Variants in RET observed in about 807,000 individuals in gnomAD.
The protein encoded by RET is proto-oncogene tyrosine-protein kinase receptor Ret.
In RET, 19 loss-of-function variants were observed where a neutral mutation model predicts 118.3. The observed-to-expected ratio is 0.16, with a 90% confidence interval of 0.11 to 0.24. The LOEUF is 0.24. RET is among the 10% of genes least tolerant of loss of function. The probability of loss-of-function intolerance (pLI) is 1.00; values close to 1 mark genes in which losing one functional copy is unlikely to be tolerated. For missense variants in RET, 1,219 were observed against 1,502.1 expected (o/e 0.81, Z 3.12); for synonymous variants, 597 against 644.1 (o/e 0.93, Z 1.11).
chr10:43,096,700 A>G (rs996480994), intron 1 of RET, among the ~76,000 whole-genome samples: 4 of 152,088 alleles, frequency 2.6e-5, no homozygotes, highest in Admixed American at 6.5e-5. Context: ...GCTGTTCCCC[A>G]GCTCTCCCCT....
At chr10:43,089,214 G>T (rs146686488) in intron 1 of RET, among the ~76,000 whole-genome samples, 1 of 152,354 alleles carries the variant, frequency 6.6e-6, no homozygotes, top group East Asian at 1.9e-4. Context: ...ACCTCAGGGA[G>T]GGTGCACATG....
rs77890871 is a variant in RET at position 43,111,011 on chromosome 10, G to A, written c.1264-196G>A. On this transcript the variant is annotated intron_variant, in intron 6 of 19. Transcript: ENST00000355710. ...TGGTAACATGTGGCCTGAGTGGAACGGGGCAGGGCAGGGCTGGGGCAGGTG... is the reference window on the plus strand; with the variant it reads ...TGGTAACATGTGGCCTGAGTGGAACAGGGCAGGGCAGGGCTGGGGCAGGTG... Among the ~76,000 whole-genome samples, 1,419 of 152,060 alleles carry A rather than the reference G, an allele frequency of 9.3e-3. 67 individuals are homozygous for A. The East Asian group carries it at 0.12, about 12-fold the overall frequency.
At position 43,112,188 on chromosome 10, in the gene RET, A is replaced by G. The variant is rs746279995; in HGVS notation, c.1612A>G (p.Thr538Ala). ...GGAGTGTGGCGGCCTGGGCTCCCCAACAGGCAGGTGTGAGTGGAGGCAAGG... is the reference window on the plus strand; with the variant it reads ...GGAGTGTGGCGGCCTGGGCTCCCCAGCAGGCAGGTGTGAGTGGAGGCAAGG... ...CEECGGLGSP[T>A]GRCEWRQGDG... Residue 538 changes from threonine (T) to alanine (A), a missense_variant, in exon 8 of 20, where the codon ACA becomes GCA. Physicochemically the swap from Thr to Ala is moderately conservative, Grantham distance 58 (BLOSUM62 0). Transcript: ENST00000355710. The G allele has an allele frequency of 1.3e-6, 2 of 1,564,312 alleles. No individual in the cohort carries two copies. Among genetic ancestry groups the G allele is most frequent in the African/African-American group, 1.4e-5 (1 of 73,792 alleles).
chr10:43,102,629 G>A lies in RET; in HGVS notation c.625G>A (p.Gly209Ser), dbSNP rs1407201816. 1 of 1,613,880 alleles carries A rather than the reference G, an allele frequency of 6.2e-7. No homozygotes were observed. ...NISVAYRLLE[G>S]EGLPFRCAPD... is the part of the protein sequence containing the mutation. Reference sequence around the variant, plus strand: ...CAGCGTGGCCTACAGGCTCCTGGAGGGTGAGTGCCGACCTTGTGGGGCCGC... The same window carrying A: ...CAGCGTGGCCTACAGGCTCCTGGAGAGTGAGTGCCGACCTTGTGGGGCCGC... Residue 209 changes from glycine (G) to serine (S), a missense_variant and splice_region_variant, in exon 3 of 20, where the codon GGT (glycine) becomes AGT (serine). By Grantham distance (56) the Gly-to-Ser change is moderately conservative. This residue lies in a region of RET where 850 missense variants were observed against 969.6 expected (regional missense o/e 0.88). Coordinates refer to ENST00000355710, the MANE Select transcript of RET (RefSeq NM_020975.6).
intron 17 of RET, 88 bp downstream of exon 17, chr10:43,123,896 G>A: frequency 6.3e-7 from 1 of 1,591,970 alleles, no homozygotes; most frequent in Non-Finnish European, 8.6e-7. Context: ...GCAGCCCCAG[G>A]AGAAACCAGG....
rs548774475 is a variant in RET at position 43,077,098 on chromosome 10, A to T, written c.-161A>T. On this transcript the variant is annotated 5_prime_UTR_variant, in exon 1 of 20. Transcript: ENST00000355710. Reference sequence around the variant, plus strand: ...CCGCGACCGAAGCAGGGCGCGCAGCAGCGCTGAGTGCCCCGGAACGTGCGT... The same window carrying T: ...CCGCGACCGAAGCAGGGCGCGCAGCTGCGCTGAGTGCCCCGGAACGTGCGT... 3 of 1,028,708 alleles carry T rather than the reference A, an allele frequency of 2.9e-6. No homozygotes were observed. Among genetic ancestry groups the T allele is most frequent in the East Asian group, 3.9e-5 (1 of 25,918 alleles). 63.7% of individuals were successfully genotyped at this position (1,028,708 alleles called of 1,614,324 possible).
At chr10:43,095,138 G>T (rs1837495487) in intron 1 of RET, among the ~76,000 whole-genome samples, 1 of 152,158 alleles carries the variant, frequency 6.6e-6, no homozygotes, top group Admixed American at 6.5e-5. Context: ...CTAGGCTGGG[G>T]CTGCTGTGCA....
rs2132932061 is a variant in RET, at chr10:43,118,473, C to A, written c.2385C>A (p.Ser795Arg). ...TCATCAAATTGTATGGGGCCTGCAG[C>A]CAGGATGGTAAGGCCAGCTGCAGGG... is the stretch of plus-strand genomic sequence containing the variant. ...PHVIKLYGAC[S>R]QDGPLLLIVE... The change falls in exon 13 of 20, where the codon AGC becomes AGA. Residue 795 changes from serine to arginine, a missense_variant. By Grantham distance (110) the Ser-to-Arg change is moderately radical (BLOSUM62 -1). This residue lies in a region of RET where 850 missense variants were observed against 969.6 expected (regional missense o/e 0.88). Coordinates refer to ENST00000355710, the MANE Select transcript of RET (RefSeq NM_020975.6). 3.1e-6 allele frequency: 5 copies of A among 1,613,078 alleles called. No individual in the cohort carries two copies. Among genetic ancestry groups the A allele is most frequent in the Non-Finnish European group, 4.2e-6 (5 of 1,179,324 alleles).
At chr10:43,122,154 C>T in intron 16 of RET, 138 bp downstream of exon 16, 6 of 766,426 alleles carry the variant, frequency 7.8e-6, no homozygotes, top group Non-Finnish European at 1.2e-5. Flanking sequence ...TGCTAGCCCT[C>T]TGCAATGACC....
chr10:43,117,974 C>G (rs12263074), intron 12 of RET, among the ~76,000 whole-genome samples: 2,887 of 152,288 alleles, frequency 0.019, 90 homozygotes, highest in African/African-American at 0.066. Flanking sequence ...TCCTTTATGG[C>G]TCTCCACCTT....
intron 1 of RET, among the ~76,000 whole-genome samples, chr10:43,096,571 A>T (rs1198769395): frequency 6.6e-6 from 1 of 152,104 alleles, no homozygotes; most frequent in Non-Finnish European, 1.5e-5. Context: ...CTGCACCTGC[A>T]CTGGCCGTTC....
At chr10:43,125,572 G>C (rs563243246) in intron 18 of RET, among the ~76,000 whole-genome samples, 1 of 152,200 alleles carries the variant, frequency 6.6e-6, no homozygotes, top group African/African-American at 2.4e-5. Flanking sequence ...ATATCGGGGG[G>C]TGGCCAGAGT....
rs1838077833 is a variant in RET at position 43,116,676 on chromosome 10, C to T, written c.2229C>T (p.Ala743=). 2 of 1,614,178 alleles carry T rather than the reference C, an allele frequency of 1.2e-6. No homozygotes were observed. Among genetic ancestry groups the T allele is most frequent in the Non-Finnish European group, 1.7e-6 (2 of 1,180,036 alleles). The change falls in exon 12 of 20, where the codon GCC becomes GCT. Residue 743 remains alanine, a synonymous_variant. Coordinates refer to ENST00000355710, the MANE Select transcript of RET (RefSeq NM_020975.6). ...GEFGKVVKAT[A]FHLKGRAGYT... is the part of the protein sequence containing the mutation. ...TTGGAAAAGTGGTCAAGGCAACGGC[C>T]TTCCATCTGAAAGGCAGAGCAGGGT... is the stretch of plus-strand genomic sequence containing the variant.
intron 13 of RET, among the ~76,000 whole-genome samples, chr10:43,118,693 G>A (rs1248713885): frequency 1.3e-5 from 2 of 152,252 alleles, no homozygotes; most frequent in Admixed American, 1.3e-4. Context: ...GGGGCCCCGC[G>A]CTAGCGGCAC....
intron 11 of RET, among the ~76,000 whole-genome samples, chr10:43,116,009 T>A (rs186680635): frequency 1.8e-4 from 28 of 151,766 alleles, no homozygotes; most frequent in African/African-American, 6.5e-4. Flanking sequence ...CTGGTCAGAG[T>A]TCAAGTACTG....
chr10:43,121,175 G>A (rs1838209702), intron 15 of RET, among the ~76,000 whole-genome samples: 2 of 152,228 alleles, frequency 1.3e-5, no homozygotes, highest in Non-Finnish European at 2.9e-5. Flanking sequence ...AGGGAGAGAA[G>A]CTGAAGGCAT....
At chr10:43,125,057 T>A in intron 18 of RET, 75 bp downstream of exon 18, 1 of 1,398,940 alleles carries the variant, frequency 7.1e-7, no homozygotes, top group Non-Finnish European at 1.0e-6. Context: ...GGGCAGTAGT[T>A]TTAGCCCTCA....
At position 43,114,062 on chromosome 10, in the gene RET, T is replaced by C. The variant is rs1382571656; in HGVS notation, c.1879+387T>C. Among the ~76,000 whole-genome samples, 1 of 152,182 alleles carries C rather than the reference T, an allele frequency of 6.6e-6. No homozygotes were observed. Among genetic ancestry groups the C allele is most frequent in the Non-Finnish European group, 1.5e-5 (1 of 68,004 alleles). On this transcript the variant is annotated intron_variant, in intron 10 of 19. Coordinates refer to ENST00000355710, the MANE Select transcript of RET (RefSeq NM_020975.6). This position sits in a 1 kb window ranked among gnomAD's most constrained non-coding sequence, Gnocchi z 4.6. ...TGTTCTGCCTGAGCATAGGGACACG[T>C]TTCTGTCATTGAGTTTTCTGGTATT...
chr10:43,107,776 G>A (rs1367732283), intron 5 of RET, among the ~76,000 whole-genome samples: 1 of 152,162 alleles, frequency 6.6e-6, no homozygotes, highest in East Asian at 1.9e-4. Context: ...GGAGACAGGA[G>A]TTACAAGCAA....
Sources: allele counts gnomAD v4.1 joint callset (sites outside exome capture counted in the v4.1 genomes callset), GRCh38; gene constraint gnomAD v4.1.1; regional missense constraint gnomAD v4.1.1; non-coding constraint Gnocchi (gnomAD v3.1); transcripts MANE v1.5; gene names NCBI Gene and HGNC (gene_info 2026-07-23, HGNC 2026-07-21).